The following PDE11A variants were observed in gnomAD, a reference collection of about 807,000 sequenced individuals.
PDE11A encodes the protein phosphodiesterase 11A.
In PDE11A, 100 loss-of-function variants were observed where a neutral mutation model predicts 100.5. The ratio of observed to expected loss-of-function variants is 1.00; its 90% CI spans 0.85 to 1.18. The LOEUF is 1.18. Ranked by LOEUF, PDE11A falls within the 50% of genes most tolerant of loss-of-function variation. PDE11A has a pLI of 0.00. For missense variants in PDE11A, 1,141 were observed against 1,152.6 expected, an observed-to-expected ratio of 0.99 and a Z score of 0.15; for synonymous variants, 381 against 420.8, an observed-to-expected ratio of 0.91 and a Z score of 1.16.
chr2:177,758,974 C>T (rs183258537), intron 10 of PDE11A, among the ~76,000 whole-genome samples: 1 of 152,260 alleles, frequency 6.6e-6, no homozygotes, highest in Admixed American at 6.5e-5. Flanking sequence ...AGCCATTTTC[C>T]TAGAAATGTG....
At chr2:177,785,440 A>G (rs939757551) in intron 9 of PDE11A, among the ~76,000 whole-genome samples, 2 of 152,264 alleles carry the variant, frequency 1.3e-5, no homozygotes, top group Non-Finnish European at 2.9e-5. Context: ...TCCAGTCTAC[A>G]GCTCCCAGCA....
In PDE11A at chr2:177,629,504, C is replaced by G; in HGVS notation, c.2705G>C (p.Arg902Thr). The change falls in exon 20 of 20, where the codon AGA becomes ACA. Residue 902 changes from arginine (R) to threonine (T), a missense_variant. Arg to Thr is a moderately conservative substitution (Grantham distance 71). Transcript: ENST00000286063. ...TTGGTGTAGCTCTTCCCACTTACTTCTGTTTGTAGCTACTGAATCTAGCAT... is the reference window on the plus strand; with the variant it reads ...TTGGTGTAGCTCTTCCCACTTACTTGTGTTTGTAGCTACTGAATCTAGCAT... ...KPMLDSVATN[R>T]SKWEELHQKR... 6.2e-7 allele frequency: 1 copy of G among 1,600,302 alleles called. No homozygotes were observed. The highest frequency in any genetic ancestry group is 1.1e-5 in the South Asian group (1 of 90,882).
At chr2:178,048,218 T>A (rs1397063092) in intron 1 of PDE11A, among the ~76,000 whole-genome samples, 1 of 152,102 alleles carries the variant, frequency 6.6e-6, no homozygotes, top group Non-Finnish European at 1.5e-5. Context: ...AAGAACCTTC[T>A]AACGGATCTA....
Position 177,944,691 on chromosome 2 carries a change from C to T in PDE11A, c.1072-39504G>A, listed in dbSNP as rs193286410. Among the ~76,000 whole-genome samples the T allele has an allele frequency of 9.8e-4, 150 of 152,298 alleles. 1 individual carries two copies. Among genetic ancestry groups the T allele is most frequent in the African/African-American group, 3.4e-3 (141 of 41,582 alleles). Reference sequence around the variant, plus strand: ...CCTCAGCTACGACTACCAGGTACCTCGGCTTCCTCCCTCCTCCGAGAGACC... The same window carrying T: ...CCTCAGCTACGACTACCAGGTACCTTGGCTTCCTCCCTCCTCCGAGAGACC... On this transcript the variant is annotated intron_variant, in intron 2 of 19. Coordinates refer to ENST00000286063, the MANE Select transcript of PDE11A (RefSeq NM_016953.4).
intron 2 of PDE11A, among the ~76,000 whole-genome samples, chr2:177,946,005 G>T (rs1415181066): frequency 1.1e-4 from 17 of 150,560 alleles, no homozygotes; most frequent in African/African-American, 3.2e-4. Flanking sequence ...AGGGAGATGG[G>T]GGGTCAGCCC....
At position 177,795,973 on chromosome 2, in the gene PDE11A, A is replaced by G. The variant is rs1026947973; in HGVS notation, c.1737+20856T>C. 2.1e-4 allele frequency among the ~76,000 whole-genome samples: 27 copies of G among 129,394 alleles called. 1 individual carries two copies. The highest frequency in any genetic ancestry group is 4.3e-4 in the Non-Finnish European group (26 of 60,774). 84.9% of individuals were successfully genotyped at this position (129,394 alleles called of 152,430 possible). On this transcript the variant is annotated intron_variant, in intron 9 of 19. Transcript: ENST00000286063. ...TATATATATATATATATATATATAT[A>G]TATCTTTGCTTTAAGATGCCAGTAT...
At chr2:177,713,722 T>TCAAACAAA (rs57320282) in intron 12 of PDE11A, among the ~76,000 whole-genome samples, 36 of 151,622 alleles carry the variant, frequency 2.4e-4, no homozygotes, top group East Asian at 9.7e-4. Flanking sequence ...AGACTCCATC[T>TCAAACAAA]CAAACAAACA....
At chr2:177,806,815 G>A (rs1413873688) in intron 9 of PDE11A, among the ~76,000 whole-genome samples, 1 of 151,934 alleles carries the variant, frequency 6.6e-6, no homozygotes, top group Non-Finnish European at 1.5e-5. Flanking sequence ...AGAAGAAAAG[G>A]TGGATATAAT....
At chr2:177,982,270 T>G (rs535435554) in intron 2 of PDE11A, among the ~76,000 whole-genome samples, 12 of 150,760 alleles carry the variant, frequency 8.0e-5, no homozygotes, top group Non-Finnish European at 1.6e-4. Flanking sequence ...GCCATAACCC[T>G]GATTGTAACT....
chr2:177,784,043 T>A (rs62183048), intron 9 of PDE11A, among the ~76,000 whole-genome samples: 22,293 of 151,344 alleles, frequency 0.15, 1,942 homozygotes, highest in East Asian at 0.31. Context: ...TGCCTCCAGA[T>A]CAGATAGAGA....
Position 177,760,150 on chromosome 2 carries a change from TG to T in PDE11A, c.1788+9172del. On this transcript the variant is annotated intron_variant, in intron 10 of 19. Transcript: ENST00000286063. ...TCTTGCTGGTTCTTTGATCCTTAGT[TG>T]CCTTCTACATAAAATGGAGATATGC... Among the ~76,000 whole-genome samples the T allele has an allele frequency of 3.3e-5, 5 of 152,326 alleles. 1 individual carries two copies. Among genetic ancestry groups the T allele is most frequent in the Admixed American group, 3.3e-4 (5 of 15,304 alleles).
At chr2:177,791,394 G>A in intron 9 of PDE11A, among the ~76,000 whole-genome samples, 1 of 117,718 alleles carries the variant, frequency 8.5e-6, no homozygotes, top group South Asian at 3.5e-4. Context: ...TTGTCGGGTG[G>A]GGGGAGGGGG....
Position 177,669,555 on chromosome 2 carries a change from C to T in PDE11A, c.2500G>A (p.Val834Ile), listed in dbSNP as rs1041677647. The T allele has an allele frequency of 2.1e-6, 3 of 1,432,066 alleles. No homozygotes were observed. The highest frequency in any genetic ancestry group is 3.0e-6 in the Non-Finnish European group (3 of 1,014,180). 88.7% of individuals were successfully genotyped at this position (1,432,066 alleles called of 1,614,324 possible). ...WEISRQVAEL[V>I]TSEFFEQGDR... ...CCTTGTTCGAAGAACTCACTGGTTA[C>T]AAGTTCTGCCACCTGAAACATATAA... Residue 834 changes from valine to isoleucine, a missense_variant, in exon 18 of 20, where the codon GTA (valine) becomes ATA (isoleucine). Transcript: ENST00000286063.
intron 4 of PDE11A, among the ~76,000 whole-genome samples, chr2:177,883,490 G>C (rs1201855340): frequency 6.6e-6 from 1 of 152,074 alleles, no homozygotes. Context: ...GAAGCAAACA[G>C]TTCACAAATG....
Position 177,628,605 on chromosome 2 carries a change from T to C in PDE11A, c.*802A>G, listed in dbSNP as rs1220180715. ...TGGCTCTGCTCTGTCCTGTGAACTA[T>C]AGTTTCTAGATGTCACTTGTGGTAA... On this transcript the variant is annotated 3_prime_UTR_variant, in exon 20 of 20. Coordinates refer to ENST00000286063, the MANE Select transcript of PDE11A (RefSeq NM_016953.4). The C allele has an allele frequency of 6.6e-6, 1 of 152,352 alleles. No homozygotes were observed. The highest frequency in any genetic ancestry group is 1.5e-5 in the Non-Finnish European group (1 of 68,154). 9.4% of individuals were successfully genotyped at this position (152,352 alleles called of 1,614,324 possible).
rs1307382401 is a variant in PDE11A at position 177,786,222 on chromosome 2, G to A, written c.1738-16849C>T. On this transcript the variant is annotated intron_variant, in intron 9 of 19. Transcript: ENST00000286063. The stretch of plus-strand genomic sequence containing the variant: ...GAGGAATGATCAGACAGCAGCATTC[G>A]CGGTTCATGAAAATCCGCTGTTCTG... Among the ~76,000 whole-genome samples, 5 of 152,282 alleles carry A rather than the reference G, an allele frequency of 3.3e-5. No homozygotes were observed. In the Middle Eastern group the frequency reaches 0.01, roughly 311 times the overall value.
chr2:177,844,731 G>T (rs2083552927), intron 5 of PDE11A, among the ~76,000 whole-genome samples: 1 of 150,560 alleles, frequency 6.6e-6, no homozygotes, highest in Non-Finnish European at 1.5e-5. Context: ...TTAGGGAGTG[G>T]TGATGACTCT....
At chr2:177,753,887 GC>G (rs1334153395) in intron 10 of PDE11A, among the ~76,000 whole-genome samples, 2 of 151,770 alleles carry the variant, frequency 1.3e-5, no homozygotes, top group Non-Finnish European at 2.9e-5. Flanking sequence ...TGAAAGCATT[GC>G]TTCATCTGAT....
chr2:177,776,560 T>C (rs926336339), intron 9 of PDE11A, among the ~76,000 whole-genome samples: 1 of 152,214 alleles, frequency 6.6e-6, no homozygotes, highest in African/African-American at 2.4e-5. Context: ...AATTCATTTA[T>C]TGAATTTCTA....
Sources: allele counts gnomAD v4.1 joint callset (sites outside exome capture counted in the v4.1 genomes callset), GRCh38; gene constraint gnomAD v4.1.1; transcripts MANE v1.5; gene names NCBI Gene and HGNC (gene_info 2026-07-23, HGNC 2026-07-21).